The following SMCO2 variants were observed in gnomAD, a reference collection of about 807,000 sequenced individuals.
SMCO2 encodes the protein single-pass membrane and coiled-coil domain-containing protein 2.
In SMCO2, 25 loss-of-function variants were observed where a neutral mutation model predicts 29.5. That is an observed-to-expected ratio of 0.85 (90% CI 0.62 to 1.18). SMCO2 has a LOEUF of 1.18. Ranked by LOEUF, SMCO2 falls within the 50% of genes most tolerant of loss-of-function variation. The probability of loss-of-function intolerance (pLI) is 0.00; values close to 1 mark genes in which losing one functional copy is unlikely to be tolerated. For missense variants in SMCO2, 348 were observed against 344.5 expected (o/e 1.01, Z -0.08); for synonymous variants, 117 against 123.3 (o/e 0.95, Z 0.34).
chr12:27,490,052 A>T (rs1157645681), intron 5 of SMCO2, among the ~76,000 whole-genome samples: 1 of 152,210 alleles, frequency 6.6e-6, no homozygotes, highest in Admixed American at 6.5e-5. Context: ...ACACAGTTTT[A>T]TGTACACATT....
chr12:27,462,248 T>C (rs530820551), upstream of SMCO2, among the ~76,000 whole-genome samples: 4 of 152,340 alleles, frequency 2.6e-5, no homozygotes, highest in South Asian at 8.3e-4. Context: ...GACATCACTC[T>C]TGCTTAGAGT....
At chr12:27,471,008 G>A (rs1019678888) in intron 2 of SMCO2, among the ~76,000 whole-genome samples, 9 of 152,046 alleles carry the variant, frequency 5.9e-5, no homozygotes, top group Non-Finnish European at 1.2e-4. Flanking sequence ...ATCTCAATTT[G>A]GGAAAATATG....
At chr12:27,427,779 C>T in the SMCO2 span, among the ~76,000 whole-genome samples, 32 of 152,038 alleles carry the variant, frequency 2.1e-4, no homozygotes, top group Non-Finnish European at 4.1e-4. Context: ...CAGATAGAAC[C>T]GATTTATCAA....
At chr12:27,457,197 T>C in the SMCO2 span, among the ~76,000 whole-genome samples, 3 of 151,736 alleles carry the variant, frequency 2.0e-5, no homozygotes, top group African/African-American at 2.4e-5. Flanking sequence ...GAACCCTGAC[T>C]CCCCAGGCCG....
intron 4 of SMCO2, among the ~76,000 whole-genome samples, chr12:27,477,611 G>A (rs1949599777): frequency 7.1e-6 from 1 of 141,494 alleles, no homozygotes; most frequent in Non-Finnish European, 1.5e-5. Flanking sequence ...TGTCAGGTAG[G>A]GCTTTCTTCA....
At chr12:27,432,392 C>A in the SMCO2 span, among the ~76,000 whole-genome samples, 1 of 152,090 alleles carries the variant, frequency 6.6e-6, no homozygotes, top group African/African-American at 2.4e-5. Context: ...TTAACAAATG[C>A]CATGAAATAC....
the SMCO2 span, among the ~76,000 whole-genome samples, chr12:27,454,696 G>A: frequency 6.6e-6 from 1 of 152,142 alleles, no homozygotes; most frequent in Non-Finnish European, 1.5e-5. Context: ...ATCTACATTA[G>A]GTATTTCTCC....
At chr12:27,458,034 T>G in the SMCO2 span, among the ~76,000 whole-genome samples, 5 of 152,260 alleles carry the variant, frequency 3.3e-5, no homozygotes, top group African/African-American at 1.2e-4. Flanking sequence ...GTCAGCTGTA[T>G]TGTTAAACGT....
Position 27,488,534 on chromosome 12 carries a change from G to A in SMCO2, c.437G>A (p.Gly146Glu), listed in dbSNP as rs186554621. The A allele has an allele frequency of 9.5e-5, 146 of 1,539,190 alleles. No homozygotes were observed. The African/African-American group carries it at 1.8e-3, about 19-fold the overall frequency. Residue 146 changes from glycine (G) to glutamate (E), a missense_variant, in exon 5 of 8, where the codon GGG (glycine) becomes GAG (glutamate). Gly to Glu is a moderately conservative substitution (Grantham distance 98). Transcript: ENST00000298876. Reference sequence around the variant, plus strand: ...GACCGGGGCCTTGACCTTGATCAAGGGACAAGCACTGAGGTAAGCTAGAGA... The same window carrying A: ...GACCGGGGCCTTGACCTTGATCAAGAGACAAGCACTGAGGTAAGCTAGAGA...
chr12:27,432,584 A>G, the SMCO2 span, among the ~76,000 whole-genome samples: 5 of 152,178 alleles, frequency 3.3e-5, no homozygotes, highest in African/African-American at 1.2e-4. Flanking sequence ...CATTTGTACC[A>G]TATCCTCTCT....
the SMCO2 span, among the ~76,000 whole-genome samples, chr12:27,456,696 T>C: frequency 6.6e-6 from 1 of 152,238 alleles, no homozygotes; most frequent in Non-Finnish European, 1.5e-5. Flanking sequence ...ATCATTTTTT[T>C]CCCCAAACTT....
chr12:27,474,563 C>G (rs980330436), intron 3 of SMCO2, among the ~76,000 whole-genome samples: 2 of 152,124 alleles, frequency 1.3e-5, no homozygotes, highest in African/African-American at 4.8e-5. Context: ...GAAAAGAGCT[C>G]TCCGTGTGGA....
rs1361685389 is a variant in SMCO2, at chr12:27,487,127, C to A, written c.363-1333C>A. Among the ~76,000 whole-genome samples the A allele has an allele frequency of 5.3e-5, 8 of 152,156 alleles. 1 individual carries two copies. Among genetic ancestry groups the A allele is most frequent in the Non-Finnish European group, 1.0e-4 (7 of 68,020 alleles). On this transcript the variant is annotated intron_variant, in intron 4 of 7. Transcript: ENST00000298876. ...TCATCTGTATGTGTATAGTTCCATG[C>A]AATTTTATGAGATGTTTAGCCTTGC... is the stretch of plus-strand genomic sequence containing the variant.
chr12:27,465,435 G>A (rs754643127), upstream of SMCO2, among the ~76,000 whole-genome samples: 3 of 152,182 alleles, frequency 2.0e-5, no homozygotes, highest in Non-Finnish European at 4.4e-5. Flanking sequence ...ACTGAAGGCT[G>A]GATACTAGCC....
chr12:27,464,184 G>T (rs1949479251), upstream of SMCO2, among the ~76,000 whole-genome samples: 1 of 152,220 alleles, frequency 6.6e-6, no homozygotes, highest in Non-Finnish European at 1.5e-5. Context: ...GGGAGTGGGA[G>T]ATGATGAGGG....
At chr12:27,431,197 A>C in the SMCO2 span, among the ~76,000 whole-genome samples, 11 of 152,162 alleles carry the variant, frequency 7.2e-5, no homozygotes, top group African/African-American at 2.4e-4. Flanking sequence ...TTAAATTTTT[A>C]GTAGAGATGG....
At chr12:27,475,623 C>G (rs1949579216) in intron 4 of SMCO2, 7 of 1,549,804 alleles carry the variant, frequency 4.5e-6, no homozygotes, top group Admixed American at 2.0e-5. Flanking sequence ...TACTGGAACA[C>G]AAAGATAGGT....
intron 5 of SMCO2, among the ~76,000 whole-genome samples, chr12:27,490,452 G>A (rs1949725918): frequency 6.6e-6 from 1 of 152,154 alleles, no homozygotes; most frequent in South Asian, 2.1e-4. Flanking sequence ...TTACACAACA[G>A]AATGCATTTG....
At chr12:27,429,189 T>A in the SMCO2 span, among the ~76,000 whole-genome samples, 14 of 152,268 alleles carry the variant, frequency 9.2e-5, no homozygotes, top group Non-Finnish European at 1.6e-4. Flanking sequence ...GATTGCTTTT[T>A]AAATTTTTTT....
Sources: allele counts gnomAD v4.1 joint callset (sites outside exome capture counted in the v4.1 genomes callset), GRCh38; gene constraint gnomAD v4.1.1; transcripts MANE v1.5; gene names NCBI Gene and HGNC (gene_info 2026-07-23, HGNC 2026-07-21).